The following CSGALNACT1 variants were observed in gnomAD, a reference collection of about 807,000 sequenced individuals.
CSGALNACT1 encodes chondroitin sulfate N-acetylgalactosaminyltransferase 1, also known as beta4GalNAcT-1.
A neutral mutation model predicts 51.0 loss-of-function variants in CSGALNACT1; 52 were observed. That is an observed-to-expected ratio of 1.02 (90% confidence interval 0.82 to 1.29). The LOEUF is 1.29. Among genes scored for constraint, CSGALNACT1 ranks in the 50% most tolerant of loss-of-function variants. The pLI, the probability that CSGALNACT1 is intolerant of heterozygous loss-of-function variation, is 0.00. For synonymous variants in CSGALNACT1, 341 were observed against 254.4 expected, an observed-to-expected ratio of 1.34 and a Z score of -3.24; for missense variants, 935 against 679.2, an observed-to-expected ratio of 1.38 and a Z score of -4.19.
rs372706057 is a variant in CSGALNACT1, at chr8:19,406,038, G to A, written c.1341C>T (p.Gly447=). ...TGCGATAAAGGTGCACATCCTCTCC[G>A]CCCCAGCCTTTGATGTCCAGATCAA... Residue 447 remains glycine, a synonymous_variant, in exon 10 of 10, where the codon GGC becomes GGT. Coordinates refer to ENST00000454498, the Ensembl canonical transcript of CSGALNACT1. 1.5e-4 allele frequency: 250 copies of A among 1,614,160 alleles called. No individual in the cohort carries two copies. The highest frequency in any genetic ancestry group is 1.8e-4 in the Non-Finnish European group (214 of 1,180,038).
chr8:19,534,426 G>A (rs1370932500), intron 3 of CSGALNACT1, among the ~76,000 whole-genome samples: 2 of 152,204 alleles, frequency 1.3e-5, no homozygotes, highest in Non-Finnish European at 2.9e-5. Context: ...ACTCTAGCCT[G>A]AGTGACAGAG....
chr8:19,753,355 T>C (rs183613319), intron 1 of CSGALNACT1, among the ~76,000 whole-genome samples: 1 of 151,856 alleles, frequency 6.6e-6, no homozygotes, highest in Non-Finnish European at 1.5e-5. Context: ...CTTGATTTTT[T>C]AAAAAAAACC....
At chr8:19,630,112 C>G (rs958714323) in intron 1 of CSGALNACT1, among the ~76,000 whole-genome samples, 1 of 151,884 alleles carries the variant, frequency 6.6e-6, no homozygotes, top group Non-Finnish European at 1.5e-5. Context: ...CGAATGAAGA[C>G]TTTCCAGCTT....
intron 3 of CSGALNACT1, among the ~76,000 whole-genome samples, chr8:19,543,144 A>G (rs1354921390): frequency 2.0e-5 from 3 of 152,224 alleles, no homozygotes; most frequent in African/African-American, 7.2e-5. Context: ...GATGTATATT[A>G]TATACAGAAT....
chr8:19,421,990 T>C (rs1337348573), intron 6 of CSGALNACT1, among the ~76,000 whole-genome samples: 1 of 152,118 alleles, frequency 6.6e-6, no homozygotes, highest in African/African-American at 2.4e-5. Flanking sequence ...TCTGAATGAG[T>C]GTATGAATGT....
At chr8:19,699,164 G>A (rs1227657222) in intron 1 of CSGALNACT1, among the ~76,000 whole-genome samples, 5 of 152,036 alleles carry the variant, frequency 3.3e-5, no homozygotes, top group South Asian at 2.1e-4. Flanking sequence ...GAGCCACCGC[G>A]CCCAGCCTCG....
At chr8:19,492,501 C>T (rs1326916263) in intron 4 of CSGALNACT1, among the ~76,000 whole-genome samples, 1 of 152,222 alleles carries the variant, frequency 6.6e-6, no homozygotes, top group Non-Finnish European at 1.5e-5. Context: ...AACATCAATT[C>T]ACGTCCTCTT....
At chr8:19,730,229 G>A (rs545323420) in intron 1 of CSGALNACT1, among the ~76,000 whole-genome samples, 10 of 147,226 alleles carry the variant, frequency 6.8e-5, no homozygotes, top group East Asian at 4.1e-4. Flanking sequence ...CAATGTCCCC[G>A]TTCCTAAATC....
chr8:19,707,426 G>A (rs1276605317), intron 1 of CSGALNACT1, among the ~76,000 whole-genome samples: 1 of 152,158 alleles, frequency 6.6e-6, no homozygotes, highest in Non-Finnish European at 1.5e-5. Flanking sequence ...CAGACATGCA[G>A]CCATTTTTAT....
At chr8:19,435,038 T>C (rs896688265) in intron 6 of CSGALNACT1, among the ~76,000 whole-genome samples, 27 of 152,196 alleles carry the variant, frequency 1.8e-4, no homozygotes, top group African/African-American at 5.5e-4. Flanking sequence ...TAGCATCACA[T>C]ACACTCTGGC....
chr8:19,590,640 CTTTTTTT>C (rs34859554), intron 3 of CSGALNACT1, among the ~76,000 whole-genome samples: 7 of 68,970 alleles, frequency 1.0e-4, no homozygotes, highest in Admixed American at 4.5e-4. Flanking sequence ...GACCTAACTA[CTTTTTTT>C]TTTTTTTTTT....
intron 1 of CSGALNACT1, among the ~76,000 whole-genome samples, chr8:19,720,237 C>T (rs2063043686): frequency 6.6e-6 from 1 of 152,154 alleles, no homozygotes; most frequent in South Asian, 2.1e-4. Flanking sequence ...TACAGGCAGC[C>T]AAAGTCAATC....
intron 1 of CSGALNACT1, among the ~76,000 whole-genome samples, chr8:19,710,645 G>A (rs2062449461): frequency 6.6e-6 from 1 of 151,448 alleles, no homozygotes; most frequent in Admixed American, 6.6e-5. Flanking sequence ...TTTTCTGGAT[G>A]GAAAAAAAAA....
chr8:19,632,789 T>C (rs2055464242), intron 1 of CSGALNACT1, among the ~76,000 whole-genome samples: 1 of 152,070 alleles, frequency 6.6e-6, no homozygotes, highest in African/African-American at 2.4e-5. Context: ...ACAATCACAC[T>C]CTGTCATCCA....
At chr8:19,507,773 A>C in intron 3 of CSGALNACT1, among the ~76,000 whole-genome samples, 1 of 152,122 alleles carries the variant, frequency 6.6e-6, no homozygotes, top group Non-Finnish European at 1.5e-5. Context: ...GACTACAGGC[A>C]CGCATCACCA....
rs761915988 is a variant in CSGALNACT1, at chr8:19,408,717, T to C, written c.1228-23A>G. Reference sequence around the variant, plus strand: ...GACCTGCAAGAAAAGCACTGTCATTTGAGGGGAAAGTTTAGGGTGGACAAA... The same window carrying C: ...GACCTGCAAGAAAAGCACTGTCATTCGAGGGGAAAGTTTAGGGTGGACAAA... On this transcript the variant is annotated intron_variant, in intron 8 of 9. Coordinates refer to ENST00000454498, the Ensembl canonical transcript of CSGALNACT1. The C allele has an allele frequency of 6.8e-6, 11 of 1,610,952 alleles. No individual in the cohort carries two copies. In the East Asian group the frequency reaches 2.2e-4, roughly 33 times the overall value.
rs922918288 is a variant in CSGALNACT1, at chr8:19,482,324, G to C, written c.634+22877C>G. The stretch of plus-strand genomic sequence containing the variant: ...TTTGTTTAAAATAAGCACATGCAGG[G>C]AGCAGCACTGTGCTGGACAGTGCCG... On this transcript the variant is annotated intron_variant, in intron 4 of 9. Coordinates refer to ENST00000454498, the Ensembl canonical transcript of CSGALNACT1. 3.3e-5 allele frequency among the ~76,000 whole-genome samples: 5 copies of C among 152,154 alleles called. No individual in the cohort carries two copies. The East Asian group carries it at 5.8e-4, about 18-fold the overall frequency.
chr8:19,495,722 T>C (rs761498409), intron 4 of CSGALNACT1, among the ~76,000 whole-genome samples: 2 of 152,246 alleles, frequency 1.3e-5, no homozygotes, highest in South Asian at 2.1e-4. Flanking sequence ...CGGAAGAGAA[T>C]GTGTAGCCTC....
chr8:19,545,325 C>A (rs2086213883), intron 3 of CSGALNACT1, among the ~76,000 whole-genome samples: 1 of 152,076 alleles, frequency 6.6e-6, no homozygotes, highest in African/African-American at 2.4e-5. Context: ...TTCTATAAAA[C>A]AATTAACGTT....
Sources: gnomAD v4.1 joint callset for allele counts (sites outside exome capture counted in the v4.1 genomes callset) on GRCh38, gnomAD v4.1.1 for gene constraint, MANE v1.5 for transcripts, NCBI Gene and HGNC (gene_info 2026-07-23, HGNC 2026-07-21) for gene names.